CTNNA3: variants seen among roughly 807,000 people sequenced by gnomAD.
CTNNA3 encodes catenin alpha 3.
Under a neutral mutation model 95.7 loss-of-function variants are expected in CTNNA3, and 76 were observed. The observed-to-expected ratio is 0.79, with a 90% CI of 0.66 to 0.96. The LOEUF (loss-of-function observed/expected upper bound fraction) is 0.96, where lower values mean the gene tolerates loss of function less well. Among genes scored for constraint, CTNNA3 ranks in the 40% least tolerant of loss-of-function variants. CTNNA3 has a pLI of 0.00. For synonymous variants in CTNNA3, 431 were observed against 374.4 expected (o/e 1.15, Z -1.74); for missense variants, 1,191 against 1,089.8 (o/e 1.09, Z -1.31).
chr10:66,920,471 C>T (rs1484037990), intron 7 of CTNNA3, among the ~76,000 whole-genome samples: 3 of 152,166 alleles, frequency 2.0e-5, no homozygotes, highest in Non-Finnish European at 4.4e-5. Flanking sequence ...CTCTACTGCC[C>T]TCCAAGGCCA....
At chr10:67,481,235 T>A (rs2133052704) in intron 5 of CTNNA3, among the ~76,000 whole-genome samples, 1 of 152,260 alleles carries the variant, frequency 6.6e-6, no homozygotes, top group Middle Eastern at 3.4e-3. Context: ...AGATGCCCAC[T>A]CTCACTACTC....
At chr10:66,210,915 G>A (rs2088110551) in intron 13 of CTNNA3, among the ~76,000 whole-genome samples, 1 of 152,156 alleles carries the variant, frequency 6.6e-6, no homozygotes. Flanking sequence ...TTCTTGGGTG[G>A]CTGACATACT....
chr10:67,539,773 A>G lies in CTNNA3; in HGVS notation c.293-104T>C, dbSNP rs1208854936. 1.5e-5 allele frequency: 14 copies of G among 931,558 alleles called. No individual in the cohort carries two copies. The East Asian group carries it at 3.7e-4, about 24-fold the overall frequency. The allele number at this position is 931,558 out of a possible 1,614,324, so 57.7% of individuals were successfully genotyped here. On this transcript the variant is annotated intron_variant, in intron 3 of 17. Coordinates refer to ENST00000433211, the MANE Select transcript of CTNNA3 (RefSeq NM_013266.4). ...CCAAGTAAATTCCAAGACTAAGCAT[A>G]ATATAAAAATATTGTCAGTTGACAA...
intron 12 of CTNNA3, among the ~76,000 whole-genome samples, chr10:66,296,543 A>G (rs959048287): frequency 1.3e-5 from 2 of 151,438 alleles, no homozygotes; most frequent in Admixed American, 6.6e-5. Context: ...TCACACACAC[A>G]TGTGTGTGCA....
At chr10:66,772,329 G>A (rs574295259) in intron 8 of CTNNA3, among the ~76,000 whole-genome samples, 2 of 151,836 alleles carry the variant, frequency 1.3e-5, no homozygotes, top group East Asian at 3.9e-4. Context: ...GGAGGCTGAG[G>A]CAGGAGAATT....
At chr10:66,825,077 C>A (rs1405854181) in intron 7 of CTNNA3, among the ~76,000 whole-genome samples, 1 of 151,104 alleles carries the variant, frequency 6.6e-6, no homozygotes, top group Non-Finnish European at 1.5e-5. Flanking sequence ...ACAAATTACA[C>A]ACACACTCAC....
intron 12 of CTNNA3, among the ~76,000 whole-genome samples, chr10:66,334,762 GA>G (rs1456472499): frequency 6.6e-6 from 1 of 151,904 alleles, no homozygotes; most frequent in Non-Finnish European, 1.5e-5. Context: ...TGTATTTCCT[GA>G]ATTTGAATGT....
chr10:67,099,167 T>C (rs1288805849), intron 7 of CTNNA3: 1 of 151,830 alleles, frequency 6.6e-6, no homozygotes, highest in Non-Finnish European at 1.5e-5. Flanking sequence ...CCAGATCATA[T>C]ATTGATTATA....
chr10:65,918,760 T>A lies in CTNNA3; in HGVS notation c.*1570A>T, dbSNP rs2077037272. On this transcript the variant is annotated 3_prime_UTR_variant, in exon 18 of 18. Coordinates refer to ENST00000433211, the MANE Select transcript of CTNNA3 (RefSeq NM_013266.4). Reference sequence around the variant, plus strand: ...TACAAGAAATTTAACATTTCCTGCATAATTAATAATGACCTATTAAATAGA... The same window carrying A: ...TACAAGAAATTTAACATTTCCTGCAAAATTAATAATGACCTATTAAATAGA... 7.1e-6 allele frequency: 1 copy of A among 140,318 alleles called. No individual in the cohort carries two copies. Among genetic ancestry groups the A allele is most frequent in the African/African-American group, 2.5e-5 (1 of 40,418 alleles). The allele number at this position is 140,318 out of a possible 1,614,324, so 8.7% of individuals were successfully genotyped here. A position where few individuals can be genotyped will look rare whatever the true frequency, so the allele number is the denominator to read the frequency against.
At chr10:66,604,070 A>C (rs1844026999) in intron 10 of CTNNA3, among the ~76,000 whole-genome samples, 1 of 152,130 alleles carries the variant, frequency 6.6e-6, no homozygotes, top group African/African-American at 2.4e-5. Context: ...AAAAGCAAAA[A>C]TAGACCAATG....
intron 1 of CTNNA3, among the ~76,000 whole-genome samples, chr10:67,746,770 T>C (rs1841376885): frequency 6.6e-6 from 1 of 152,204 alleles, no homozygotes; most frequent in Non-Finnish European, 1.5e-5. Flanking sequence ...AGATTCTCAA[T>C]AGCCATTCAG....
At chr10:67,083,040 G>A (rs1029129800) in intron 7 of CTNNA3, among the ~76,000 whole-genome samples, 2 of 152,140 alleles carry the variant, frequency 1.3e-5, no homozygotes, top group African/African-American at 4.8e-5. Flanking sequence ...AAAAAAGCAG[G>A]TGTTCACCTA....
At position 66,560,276 on chromosome 10, in the gene CTNNA3, G is replaced by A. The variant is rs149717567; in HGVS notation, c.1375-39503C>T. Among the ~76,000 whole-genome samples the A allele has an allele frequency of 9.8e-4, 147 of 150,398 alleles. 1 individual carries two copies. Among genetic ancestry groups the A allele is most frequent in the Non-Finnish European group, 1.3e-3 (89 of 67,948 alleles). ...TGAATTTGGAGATAGAAACGTGAGC[G>A]AATTTTATAACTTTTTGAGTCTTGG... On this transcript the variant is annotated intron_variant, in intron 10 of 17. Coordinates refer to ENST00000433211, the MANE Select transcript of CTNNA3 (RefSeq NM_013266.4).
At chr10:67,147,026 T>C (rs764589789) in intron 7 of CTNNA3, among the ~76,000 whole-genome samples, 19 of 152,170 alleles carry the variant, frequency 1.2e-4, no homozygotes, top group Non-Finnish European at 2.1e-4. Flanking sequence ...GTCCCCTCTA[T>C]AATGTTCACA....
At chr10:66,050,424 ATTTT>A (rs200349556) in intron 15 of CTNNA3, among the ~76,000 whole-genome samples, 2 of 145,902 alleles carry the variant, frequency 1.4e-5, no homozygotes, top group Admixed American at 1.4e-4. Context: ...ATCCTCATGC[ATTTT>A]TTTTTTTTCC....
At chr10:66,651,667 G>T (rs1251769354) in intron 9 of CTNNA3, among the ~76,000 whole-genome samples, 1 of 91,916 alleles carries the variant, frequency 1.1e-5, no homozygotes, top group African/African-American at 3.4e-5. Flanking sequence ...GGCCGGCACT[G>T]CTGGGGGACC....
At chr10:66,634,126 A>G (rs1434766198) in intron 9 of CTNNA3, among the ~76,000 whole-genome samples, 1 of 152,150 alleles carries the variant, frequency 6.6e-6, no homozygotes, top group Non-Finnish European at 1.5e-5. Context: ...TATATTCTTA[A>G]TAATTTATAA....
At chr10:67,452,144 T>C (rs1362001937) in intron 5 of CTNNA3, among the ~76,000 whole-genome samples, 1 of 151,938 alleles carries the variant, frequency 6.6e-6, no homozygotes, top group East Asian at 1.9e-4. Flanking sequence ...AGCAACACTT[T>C]AAAGCATCCA....
intron 5 of CTNNA3, among the ~76,000 whole-genome samples, chr10:67,376,497 C>T (rs1843693209): frequency 6.6e-6 from 1 of 152,148 alleles, no homozygotes; most frequent in African/African-American, 2.4e-5. Context: ...CTGGGATTTC[C>T]TCCTTGGTAG....
Sources: gnomAD v4.1 joint callset for allele counts (sites outside exome capture counted in the v4.1 genomes callset) on GRCh38, gnomAD v4.1.1 for gene constraint, MANE v1.5 for transcripts, NCBI Gene and HGNC (gene_info 2026-07-23, HGNC 2026-07-21) for gene names.